Variants in DCT observed in about 807,000 individuals in gnomAD.
DCT encodes L-dopachrome tautomerase.
DCT carries 47 observed loss-of-function variants against 53.0 expected under a neutral mutation model. That is an observed-to-expected ratio of 0.89 (90% CI 0.70 to 1.13). DCT has a LOEUF of 1.13. Ranked by LOEUF, DCT falls within the 50% of genes most tolerant of loss-of-function variation. The pLI is 0.00. For missense variants in DCT, 669 were observed against 637.4 expected (o/e 1.05, Z -0.53); for synonymous variants, 244 against 237.0 (o/e 1.03, Z -0.27).
chr13:94,524,365 T>C, the DCT span, among the ~76,000 whole-genome samples: 1 of 152,208 alleles, frequency 6.6e-6, no homozygotes, highest in Admixed American at 6.5e-5. Context: ...GGGGAGATCA[T>C]GTGGCTACAT....
At chr13:94,520,427 C>G in the DCT span, among the ~76,000 whole-genome samples, 1 of 152,168 alleles carries the variant, frequency 6.6e-6, no homozygotes, top group East Asian at 1.9e-4. Context: ...CAAAATTAAT[C>G]TATTCTGGTG....
chr13:94,542,914 G>A, the DCT span, among the ~76,000 whole-genome samples: 1 of 152,040 alleles, frequency 6.6e-6, no homozygotes, highest in Non-Finnish European at 1.5e-5. Flanking sequence ...CTCTGTTCAC[G>A]GTGGGAAAAC....
the DCT span, among the ~76,000 whole-genome samples, chr13:94,485,633 C>G: frequency 6.6e-6 from 1 of 152,146 alleles, no homozygotes; most frequent in Non-Finnish European, 1.5e-5. Context: ...ACAATCATTC[C>G]TAATAAAGGC....
chr13:94,515,710 C>A, the DCT span, among the ~76,000 whole-genome samples: 1 of 152,166 alleles, frequency 6.6e-6, no homozygotes, highest in African/African-American at 2.4e-5. Context: ...AAAGCTTGGA[C>A]CTCAGCTTAC....
chr13:94,456,990 C>A (rs116825763), intron 6 of DCT, among the ~76,000 whole-genome samples: 2 of 152,258 alleles, frequency 1.3e-5, no homozygotes, highest in Admixed American at 6.5e-5. Flanking sequence ...ATTAGCCAGG[C>A]GCAGTGGCAC....
intron 6 of DCT, among the ~76,000 whole-genome samples, chr13:94,454,846 T>C (rs1419395986): frequency 2.0e-5 from 3 of 152,140 alleles, no homozygotes; most frequent in African/African-American, 7.2e-5. Flanking sequence ...TAATGGTGAG[T>C]TCTGGAACTA....
chr13:94,549,073 G>A, the DCT span, among the ~76,000 whole-genome samples: 1 of 152,200 alleles, frequency 6.6e-6, no homozygotes, highest in African/African-American at 2.4e-5. Context: ...TCCTTCACCG[G>A]TGGGCAAGTA....
the DCT span, among the ~76,000 whole-genome samples, chr13:94,515,194 G>A: frequency 3.3e-5 from 5 of 152,204 alleles, no homozygotes; most frequent in African/African-American, 4.8e-5. Flanking sequence ...AGAAATAAAT[G>A]TCTGTTGTTT....
At chr13:94,547,984 A>AATATATATATATAT in the DCT span, among the ~76,000 whole-genome samples, 11 of 65,818 alleles carry the variant, frequency 1.7e-4, 1 homozygote, top group African/African-American at 1.3e-3. Flanking sequence ...AAAAAAAAAA[A>AATATATATATATAT]ATATATATAT....
intron 6 of DCT, among the ~76,000 whole-genome samples, chr13:94,453,054 C>G (rs1883197145): frequency 6.6e-6 from 1 of 151,860 alleles, no homozygotes; most frequent in Non-Finnish European, 1.5e-5. Flanking sequence ...TATGCAACAA[C>G]CTAAAAATTA....
chr13:94,455,924 G>C (rs1219900626), intron 6 of DCT, among the ~76,000 whole-genome samples: 1 of 152,160 alleles, frequency 6.6e-6, no homozygotes, highest in Non-Finnish European at 1.5e-5. Context: ...TTGTACAGTT[G>C]ACAATGTATG....
chr13:94,457,630 C>A (rs1883494519), intron 6 of DCT, among the ~76,000 whole-genome samples: 1 of 152,114 alleles, frequency 6.6e-6, no homozygotes, highest in Non-Finnish European at 1.5e-5. Context: ...CACAATCTAA[C>A]TGGATAACAA....
the DCT span, among the ~76,000 whole-genome samples, chr13:94,518,471 C>T: frequency 6.6e-6 from 1 of 152,200 alleles, no homozygotes; most frequent in Admixed American, 6.5e-5. Context: ...AAAATACTGG[C>T]CCTAATACTG....
chr13:94,456,798 AC>A (rs1883439721), intron 6 of DCT, among the ~76,000 whole-genome samples: 1 of 152,208 alleles, frequency 6.6e-6, no homozygotes, highest in Admixed American at 6.5e-5. Context: ...AAACTGATTG[AC>A]TTGTAATCAG....
intron 1 of DCT, among the ~76,000 whole-genome samples, chr13:94,471,252 G>A (rs966181683): frequency 3.3e-5 from 5 of 152,112 alleles, no homozygotes; most frequent in Admixed American, 6.6e-5. Context: ...TCCTTAAAAT[G>A]TAAGTAGGGA....
chr13:94,443,326 C>T (rs1882476230), intron 7 of DCT, 110 bp downstream of exon 7: 11 of 860,120 alleles, frequency 1.3e-5, no homozygotes, highest in East Asian at 2.5e-5. Flanking sequence ...CTTAACTAGA[C>T]CTGAAAGCTT....
chr13:94,547,047 G>T, the DCT span, among the ~76,000 whole-genome samples: 2 of 152,006 alleles, frequency 1.3e-5, no homozygotes, highest in African/African-American at 4.8e-5. Context: ...AGGTCAAACA[G>T]GGCTCTTGAT....
intron 6 of DCT, among the ~76,000 whole-genome samples, chr13:94,450,980 A>G (rs935911802): frequency 1.3e-5 from 2 of 152,180 alleles, no homozygotes; most frequent in Non-Finnish European, 2.9e-5. Flanking sequence ...TATAGTATGC[A>G]TTTATCCTTA....
chr13:94,472,591 T>G (rs1884815623), intron 1 of DCT, among the ~76,000 whole-genome samples: 1 of 90,378 alleles, frequency 1.1e-5, no homozygotes, highest in African/African-American at 4.2e-5. Context: ...TTTTTTTTTT[T>G]TTTTTTTGTC....
Sources: gnomAD v4.1 joint callset for allele counts (sites outside exome capture counted in the v4.1 genomes callset) on GRCh38, gnomAD v4.1.1 for gene constraint, MANE v1.5 for transcripts, NCBI Gene and HGNC (gene_info 2026-07-23, HGNC 2026-07-21) for gene names.